TANGO2: variants seen among roughly 807,000 people sequenced by gnomAD.
TANGO2 encodes transport and Golgi organization protein 2 homolog.
Under a neutral mutation model 39.1 loss-of-function variants are expected in TANGO2, and 26 were observed. The observed-to-expected ratio is 0.67, with a 90% CI of 0.49 to 0.92. TANGO2 has a LOEUF of 0.92. Ranked by LOEUF, TANGO2 falls within the 40% of genes least tolerant of loss-of-function variation. The pLI is 0.00. For synonymous variants in TANGO2, 131 were observed against 144.5 expected, an observed-to-expected ratio of 0.91 and a Z score of 0.67; for missense variants, 326 against 360.1, an observed-to-expected ratio of 0.91 and a Z score of 0.77.
chr22:20,023,278 A>G (rs1291200099), intron 1 of TANGO2, among the ~76,000 whole-genome samples: 1 of 146,794 alleles, frequency 6.8e-6, no homozygotes, highest in East Asian at 2.0e-4. Flanking sequence ...CTTTGCGGGC[A>G]TGGTAGGAGT....
At chr22:20,034,912 G>A (rs985068596) in intron 1 of TANGO2, among the ~76,000 whole-genome samples, 1 of 152,216 alleles carries the variant, frequency 6.6e-6, no homozygotes, top group African/African-American at 2.4e-5. Context: ...TCAGCTCCTG[G>A]CAATTTTTAA....
intron 3 of TANGO2, among the ~76,000 whole-genome samples, chr22:20,049,979 C>T (rs919839916): frequency 2.0e-5 from 3 of 152,062 alleles, no homozygotes; most frequent in South Asian, 2.1e-4. Flanking sequence ...AAGGCCGAGG[C>T]GGGCCGATCA....
chr22:20,058,675 A>G (rs2047828230), intron 6 of TANGO2, among the ~76,000 whole-genome samples: 1 of 151,884 alleles, frequency 6.6e-6, no homozygotes, highest in Non-Finnish European at 1.5e-5. Flanking sequence ...ACTCACCAGC[A>G]TGGCTAAATG....
Position 20,064,877 on chromosome 22 carries a change from T to C in TANGO2, c.*215T>C. ...GCCAGTGAGGAGCAGCAGAGTCTGA[T>C]ACTAGGTCTAGGACCGGCCGAGGTA... On this transcript the variant is annotated 3_prime_UTR_variant, in exon 9 of 9. Transcript: ENST00000327374. The C allele has an allele frequency of 1.6e-6, 1 of 611,950 alleles. No homozygotes were observed. The highest frequency in any genetic ancestry group is 2.1e-5 in the South Asian group (1 of 48,628). The allele number at this position is 611,950 out of a possible 1,614,324, so 37.9% of individuals were successfully genotyped here. A position where few individuals can be genotyped will look rare whatever the true frequency, so the allele number is the denominator to read the frequency against.
At chr22:20,052,669 G>A in intron 4 of TANGO2, 85 bp downstream of exon 4, 1 of 1,487,956 alleles carries the variant, frequency 6.7e-7, no homozygotes, top group Non-Finnish European at 9.1e-7. Context: ...AGGGACTACA[G>A]GACTGGCCAA....
intron 2 of TANGO2, chr22:20,037,089 C>A: frequency 6.5e-7 from 1 of 1,529,020 alleles, no homozygotes; most frequent in Non-Finnish European, 8.8e-7. Context: ...CAGAAGGCAG[C>A]CACAGGTAGG....
chr22:20,036,562 G>A (rs2042888223), intron 1 of TANGO2, among the ~76,000 whole-genome samples, 198 bp from the exon 2 acceptor site: 1 of 152,176 alleles, frequency 6.6e-6, no homozygotes, highest in African/African-American at 2.4e-5. Context: ...GAGACAGTCT[G>A]GCCAGTGCCA....
At chr22:20,056,809 GCTCA>G (rs1382988319) in intron 6 of TANGO2, 1 of 456,634 alleles carries the variant, frequency 2.2e-6, no homozygotes, top group Non-Finnish European at 4.4e-6. Context: ...GGGACTGCTG[GCTCA>G]CTCACTCCCA....
intron 3 of TANGO2, among the ~76,000 whole-genome samples, chr22:20,043,662 G>A (rs868090799): frequency 6.6e-6 from 1 of 152,318 alleles, no homozygotes; most frequent in East Asian, 1.9e-4. Context: ...CCATGCGTCT[G>A]CATGGGGGCC....
rs144944431 is a variant in TANGO2 at position 20,065,136 on chromosome 22, C to T, written c.*474C>T. On this transcript the variant is annotated 3_prime_UTR_variant, in exon 9 of 9. Coordinates refer to ENST00000327374, the MANE Select transcript of TANGO2 (RefSeq NM_152906.7). ...CACGATGCCGAACAAGGCAGAAGGG[C>T]GACTCTCACCTCTCATGTGCTTCTG... The T allele has an allele frequency of 1.8e-4, 30 of 162,430 alleles. No homozygotes were observed. In the South Asian group the frequency reaches 4.3e-3, roughly 23 times the overall value. 10.1% of individuals were successfully genotyped at this position (162,430 alleles called of 1,614,324 possible).
chr22:20,029,258 A>C (rs1601862117), intron 1 of TANGO2, among the ~76,000 whole-genome samples: 1 of 152,074 alleles, frequency 6.6e-6, no homozygotes, highest in East Asian at 1.9e-4. Context: ...TGGAGAGGGG[A>C]TTCTAGAGCG....
At chr22:20,031,369 G>A (rs1365371528) in intron 1 of TANGO2, among the ~76,000 whole-genome samples, 4 of 152,192 alleles carry the variant, frequency 2.6e-5, no homozygotes, top group African/African-American at 7.2e-5. Context: ...AAATAGCCAT[G>A]AGAACAACGC....
chr22:20,044,535 GTCAA>G lies in TANGO2; in HGVS notation c.145+1105_145+1108del, dbSNP rs113686204. Among the ~76,000 whole-genome samples the G allele has an allele frequency of 6.5e-5, 9 of 138,550 alleles. No individual in the cohort carries two copies. In the East Asian group the frequency reaches 8.5e-4, roughly 13 times the overall value. 90.9% of individuals were successfully genotyped at this position (138,550 alleles called of 152,430 possible). A position where few individuals can be genotyped will look rare whatever the true frequency, so the allele number is the denominator to read the frequency against. ...AGCGAGACCCTGTCTCATTCAATCA[GTCAA>G]TCAATCAATCAAATAAAAGCTCAGC... On this transcript the variant is annotated intron_variant, in intron 3 of 8. Transcript: ENST00000327374.
At chr22:20,042,740 G>T (rs1304296323) in intron 2 of TANGO2, among the ~76,000 whole-genome samples, 1 of 152,122 alleles carries the variant, frequency 6.6e-6, no homozygotes, top group East Asian at 1.9e-4. Context: ...ACTCTAGCCT[G>T]GGTGACACAG....
At chr22:20,020,235 TA>T (rs2039468593), upstream of TANGO2, among the ~76,000 whole-genome samples, 1 of 152,362 alleles carries the variant, frequency 6.6e-6, no homozygotes, top group African/African-American at 2.4e-5. Context: ...CTTTACACAT[TA>T]TCATTATCCC....
intron 3 of TANGO2, among the ~76,000 whole-genome samples, chr22:20,050,495 C>G (rs1308000952): frequency 6.6e-6 from 1 of 150,514 alleles, no homozygotes; most frequent in Admixed American, 6.7e-5. Context: ...TCCCGAGTAG[C>G]TGGAACTACA....
At position 20,057,860 on chromosome 22, in the gene TANGO2, G is replaced by A. The variant is rs73877128; in HGVS notation, c.451+1847G>A. On this transcript the variant is annotated intron_variant, in intron 6 of 8. Coordinates refer to ENST00000327374, the MANE Select transcript of TANGO2 (RefSeq NM_152906.7). This position sits in a 1 kb window ranked among gnomAD's most constrained non-coding sequence, Gnocchi z 4.1. ...CCTCACTGTGAACATTGGCCCAGCGGCCTCTGGGGCAGTCGCTGTAACCAT... is the reference window on the plus strand; with the variant it reads ...CCTCACTGTGAACATTGGCCCAGCGACCTCTGGGGCAGTCGCTGTAACCAT... 0.053 allele frequency among the ~76,000 whole-genome samples: 8,092 copies of A among 152,210 alleles called. 312 individuals are homozygous for A. The highest frequency in any genetic ancestry group is 0.09 in the East Asian group (465 of 5,170).
At position 20,063,121 on chromosome 22, in the gene TANGO2, G is replaced by A. The variant is rs185892077; in HGVS notation, c.606-217G>A. On this transcript the variant is annotated intron_variant, in intron 7 of 8. Coordinates refer to ENST00000327374, the MANE Select transcript of TANGO2 (RefSeq NM_152906.7). ...CAGTGAGCCAAGATCGTACCATTGC[G>A]CTCTAGTCTGGGCGACAAGAGTGAA... The A allele has an allele frequency of 4.9e-4, 262 of 534,594 alleles. 1 individual carries two copies. Among genetic ancestry groups the A allele is most frequent in the Admixed American group, 6.3e-4 (19 of 30,064 alleles). 33.1% of individuals were successfully genotyped at this position (534,594 alleles called of 1,614,324 possible).
intron 3 of TANGO2, among the ~76,000 whole-genome samples, chr22:20,050,312 G>A (rs1009236763): frequency 6.8e-6 from 1 of 147,864 alleles, no homozygotes; most frequent in African/African-American, 2.5e-5. Context: ...GTGCCCTGGA[G>A]TTTTCAGTCT....
Sources: allele counts gnomAD v4.1 joint callset (sites outside exome capture counted in the v4.1 genomes callset), GRCh38; gene constraint gnomAD v4.1.1; non-coding constraint Gnocchi (gnomAD v3.1); transcripts MANE v1.5; gene names NCBI Gene and HGNC (gene_info 2026-07-23, HGNC 2026-07-21).